The following ATAD3B variants were observed in gnomAD, a reference collection of about 807,000 sequenced individuals.
ATAD3B encodes the protein ATPase family AAA domain containing 3B.
Under a neutral mutation model 70.2 loss-of-function variants are expected in ATAD3B, and 59 were observed. That is an observed-to-expected ratio of 0.84 (90% CI 0.68 to 1.04). The LOEUF (loss-of-function observed/expected upper bound fraction) is 1.04. ATAD3B is among the 50% of genes least tolerant of loss of function. ATAD3B has a pLI of 0.00. For synonymous variants in ATAD3B, 423 were observed against 388.6 expected (o/e 1.09, Z -1.04); for missense variants, 961 against 913.4 (o/e 1.05, Z -0.67).
intron 15 of ATAD3B, 131 bp from the exon 16 acceptor site, chr1:1,495,354 G>A: frequency 7.8e-7 from 1 of 1,278,124 alleles, no homozygotes; most frequent in Non-Finnish European, 1.1e-6. Context: ...CAAGGTGTGG[G>A]AAGCCTGTGT....
chr1:1,482,560 G>T lies in ATAD3B; in HGVS notation c.696G>T (p.Leu232Phe). 1 of 1,613,372 alleles carries T rather than the reference G, an allele frequency of 6.2e-7. No homozygotes were observed. Among genetic ancestry groups the T allele is most frequent in the Non-Finnish European group, 8.5e-7 (1 of 1,179,544 alleles). The change falls in exon 7 of 16, where the codon TTG (leucine) becomes TTT (phenylalanine). Residue 232 changes from leucine (L) to phenylalanine (F), a missense_variant. Physicochemically the swap from Leu to Phe is conservative, Grantham distance 22 (BLOSUM62 0). Around this residue, in one of 4 missense-constraint regions of ATAD3B, gnomAD observed 349 missense variants for 307.5 expected, o/e 1.14. Coordinates refer to ENST00000673477, the MANE Select transcript of ATAD3B (RefSeq NM_031921.6). Reference protein sequence around the residue: ...VLESIRTAGTLFGEGFRAFVT... With the variant: ...VLESIRTAGTFFGEGFRAFVT... ...TTCCCCGCAGGACGGCTGGCACCTTGTTTGGGGAAGGATTCCGTGCCTTTG... is the reference window on the plus strand; with the variant it reads ...TTCCCCGCAGGACGGCTGGCACCTTTTTTGGGGAAGGATTCCGTGCCTTTG...
intron 13 of ATAD3B, 30 bp from the exon 14 acceptor site, chr1:1,490,227 A>G: frequency 1.2e-6 from 2 of 1,602,128 alleles, no homozygotes; most frequent in Non-Finnish European, 1.7e-6. Flanking sequence ...TGGCAGCCCC[A>G]GCGTTTCCTT....
rs1258469797 is a variant in ATAD3B at position 1,493,739 on chromosome 1, A to G, written c.1615-1746A>G. Among the ~76,000 whole-genome samples the G allele has an allele frequency of 1.3e-5, 2 of 151,766 alleles. 1 individual carries two copies. The highest frequency in any genetic ancestry group is 2.9e-5 in the Non-Finnish European group (2 of 67,948). On this transcript the variant is annotated intron_variant, in intron 15 of 15. Coordinates refer to ENST00000673477, the MANE Select transcript of ATAD3B (RefSeq NM_031921.6). ...TCTGCTAATATTGATTGATTTTCAT[A>G]TATTGAACTATCCTTGCATTCCAGG...
chr1:1,489,769 G>T (rs1312262837), intron 13 of ATAD3B: 1 of 1,304,250 alleles, frequency 7.7e-7, no homozygotes, highest in Non-Finnish European at 1.0e-6. Context: ...TGGGCTCCTG[G>T]GTCAGCTGCT....
Position 1,477,347 on chromosome 1 carries a change from C to A in ATAD3B, c.279C>A (p.Leu93=). 6.2e-7 allele frequency: 1 copy of A among 1,612,120 alleles called. No homozygotes were observed. The highest frequency in any genetic ancestry group is 8.5e-7 in the Non-Finnish European group (1 of 1,179,686). Residue 93 remains leucine (L), a synonymous_variant, in exon 2 of 16, where the codon CTC becomes CTA. Transcript: ENST00000673477. ...TGCAGTTGGAGCAACAGTCCAAGCT[C>A]AAAGTGAGTGGGGCCGGTGTGGGCG... The part of the protein sequence containing the change: ...QTLQLEQQSK[L]KEYEAAVEQL...
In ATAD3B at chr1:1,490,392, CTG is replaced by C. The variant is rs2100591219; in HGVS notation, c.1477_1478del (p.Val493SerfsTer2). 1.9e-6 allele frequency: 3 copies of C among 1,613,496 alleles called. No individual in the cohort carries two copies. The highest frequency in any genetic ancestry group is 2.2e-5 in the South Asian group (2 of 91,032). The stretch of plus-strand genomic sequence containing the variant: ...GCCTGGTGAGACTGCATTTTGACAA[CTG>C]TGTTCTTAAGCCGGCCACAGAAGGA... ...ERLVRLHFDN[C>X]VLKPATEGKR... is the part of the protein sequence containing the mutation. On this transcript the variant is annotated frameshift_variant, in exon 14 of 16. Coordinates refer to ENST00000673477, the MANE Select transcript of ATAD3B (RefSeq NM_031921.6). LOFTEE classifies it high-confidence loss of function.
the ATAD3B span, chr1:1,503,673 C>T: frequency 1.2e-5 from 19 of 1,610,822 alleles, no homozygotes; most frequent in South Asian, 1.1e-4. Flanking sequence ...TGAGTGGGGC[C>T]GGTGTGGGTG....
At chr1:1,500,641 G>T (rs1053195889), downstream of ATAD3B, among the ~76,000 whole-genome samples, 2 of 150,150 alleles carry the variant, frequency 1.3e-5, no homozygotes, top group Admixed American at 6.7e-5. Context: ...ATATAAATGT[G>T]TATATATATA....
In ATAD3B at chr1:1,486,291, G is replaced by A. The variant is rs1188439098; in HGVS notation, c.1089+56G>A. 87 of 1,610,142 alleles carry A rather than the reference G, an allele frequency of 5.4e-5. 1 individual carries two copies. Among genetic ancestry groups the A allele is most frequent in the Non-Finnish European group, 7.0e-5 (82 of 1,179,128 alleles). On this transcript the variant is annotated intron_variant, in intron 10 of 15. Transcript: ENST00000673477. The stretch of plus-strand genomic sequence containing the variant: ...GGGGCCGCTGGGGTCTCACCTGCCT[G>A]CAGGTGTCTGGGGGCCTCAGCCGCC...
intron 15 of ATAD3B, among the ~76,000 whole-genome samples, chr1:1,494,013 C>G (rs1640658018): frequency 6.6e-6 from 1 of 151,944 alleles, no homozygotes; most frequent in Admixed American, 6.6e-5. Context: ...TTTGTGAATT[C>G]ACATGTGAAG....
intron 13 of ATAD3B, 116 bp from the exon 14 acceptor site, chr1:1,490,141 G>A (rs1640454619): frequency 2.0e-6 from 3 of 1,486,888 alleles, no homozygotes; most frequent in South Asian, 2.7e-5. Context: ...GTGCTCACAA[G>A]CTGCCGCTTT....
Position 1,490,246 on chromosome 1 carries a change from C to T in ATAD3B, c.1338-11C>T. 1.2e-6 allele frequency: 2 copies of T among 1,610,204 alleles called. No homozygotes were observed. Among genetic ancestry groups the T allele is most frequent in the Non-Finnish European group, 1.7e-6 (2 of 1,177,564 alleles). ...AGCCCCAGCGTTTCCTTCCCCATCC[C>T]TGTCCTACAGATTCATGCTGGTCCT... On this transcript the variant is annotated splice_polypyrimidine_tract_variant and intron_variant, in intron 13 of 15. Coordinates refer to ENST00000673477, the MANE Select transcript of ATAD3B (RefSeq NM_031921.6).
chr1:1,480,797 A>G (rs1639870748), intron 4 of ATAD3B, 70 bp from the exon 5 acceptor site: 1 of 1,587,268 alleles, frequency 6.3e-7, no homozygotes, highest in African/African-American at 1.4e-5. Flanking sequence ...GGCGGACGCA[A>G]CCTCTGGATT....
chr1:1,489,500 C>T lies in ATAD3B; in HGVS notation c.1337+226C>T, dbSNP rs1640413013. 1.2e-5 allele frequency: 12 copies of T among 995,330 alleles called. No individual in the cohort carries two copies. In the South Asian group the frequency reaches 2.0e-4, roughly 17 times the overall value. 61.7% of individuals were successfully genotyped at this position (995,330 alleles called of 1,614,324 possible). ...GCTGGGGTCAGTCCTGTCTTCACGG[C>T]CCTGTGCGCCGCCGCCCCAGCTTGC... On this transcript the variant is annotated intron_variant, in intron 13 of 15. Transcript: ENST00000673477.
downstream of ATAD3B, among the ~76,000 whole-genome samples, chr1:1,502,497 C>G (rs186143160): frequency 6.9e-6 from 1 of 145,808 alleles, no homozygotes; most frequent in South Asian, 2.2e-4. Context: ...CATGAGCCAC[C>G]GTGCCCAGCA....
chr1:1,490,832 A>G (rs1217029091), intron 15 of ATAD3B, among the ~76,000 whole-genome samples, 161 bp downstream of exon 15: 1 of 151,820 alleles, frequency 6.6e-6, no homozygotes, highest in Non-Finnish European at 1.5e-5. Flanking sequence ...CAGTCGGGCC[A>G]CTCCACGCAG....
At position 1,478,562 on chromosome 1, in the gene ATAD3B, C is replaced by T. The variant is rs768857379; in HGVS notation, c.283-82C>T. The T allele has an allele frequency of 6.7e-5, 104 of 1,550,330 alleles. 3 individuals carry two copies. The highest frequency in any genetic ancestry group is 1.2e-4 in the East Asian group (5 of 41,034). The stretch of plus-strand genomic sequence containing the variant: ...TCTGGGCACGGAGTCTCTGCCGTGC[C>T]GGAGCTGTGCAGACACAGGAGCGGC... On this transcript the variant is annotated intron_variant, in intron 2 of 15. Coordinates refer to ENST00000673477, the MANE Select transcript of ATAD3B (RefSeq NM_031921.6).
At chr1:1,491,351 C>G (rs568577348) in intron 15 of ATAD3B, among the ~76,000 whole-genome samples, 1 of 151,780 alleles carries the variant, frequency 6.6e-6, no homozygotes, top group Non-Finnish European at 1.5e-5. Flanking sequence ...GCCAATATGT[C>G]GAAACCCCGT....
chr1:1,489,470 G>A (rs1640411637), intron 13 of ATAD3B, 196 bp downstream of exon 13: 3 of 1,110,628 alleles, frequency 2.7e-6, no homozygotes. Context: ...GGCCTCCCGG[G>A]CAGAGCTGGG....
Sources: gnomAD v4.1 joint callset for allele counts (sites outside exome capture counted in the v4.1 genomes callset) on GRCh38, gnomAD v4.1.1 for gene constraint, gnomAD v4.1.1 regional missense constraint, MANE v1.5 for transcripts, NCBI Gene and HGNC (gene_info 2026-07-23, HGNC 2026-07-21) for gene names.